The following DIS3L variants were observed in gnomAD, a reference collection of about 807,000 sequenced individuals.
DIS3L encodes DIS3-like exonuclease 1.
DIS3L carries 100 observed loss-of-function variants against 120.3 expected under a neutral mutation model. The observed-to-expected ratio is 0.83, with a 90% confidence interval of 0.71 to 0.98. The LOEUF (loss-of-function observed/expected upper bound fraction) is 0.98, where lower values mean the gene tolerates loss of function less well. DIS3L is among the 50% of genes least tolerant of loss of function. The pLI is 0.00. For synonymous variants in DIS3L, 426 were observed against 470.6 expected (o/e 0.91, Z 1.23); for missense variants, 1,196 against 1,314.2 (o/e 0.91, Z 1.39).
chr15:66,329,083 TC>T lies in DIS3L; in HGVS notation c.2316del (p.Ser773ProfsTer17), dbSNP rs774845558. ...ATQAMSNALY[F>X]STGSCAEEEF... Reference sequence around the variant, plus strand: ...CAGGCCATGTCGAATGCTCTGTACTTCTCCACCGGATCCTGTGCGGAGGAGG... The same window carrying T: ...CAGGCCATGTCGAATGCTCTGTACTTTCCACCGGATCCTGTGCGGAGGAGG... On this transcript the variant is annotated frameshift_variant, in exon 13 of 17. Coordinates refer to ENST00000319212, the MANE Select transcript of DIS3L (RefSeq NM_001143688.3). LOFTEE classifies it high-confidence loss of function. 3 of 1,614,142 alleles carry T rather than the reference TC, an allele frequency of 1.9e-6. No individual in the cohort carries two copies. The highest frequency in any genetic ancestry group is 8.5e-7 in the Non-Finnish European group (1 of 1,180,012).
intron 8 of DIS3L, 116 bp downstream of exon 8, chr15:66,318,734 T>A: frequency 9.0e-7 from 1 of 1,105,978 alleles, no homozygotes; most frequent in Non-Finnish European, 1.3e-6. Context: ...AGAAATAAAT[T>A]ATTGATGGCA....
At chr15:66,307,052 C>G (rs2092709313) in intron 3 of DIS3L, 100 bp downstream of exon 3, 8 of 1,456,014 alleles carry the variant, frequency 5.5e-6, no homozygotes, top group Non-Finnish European at 6.5e-6. Flanking sequence ...CTAGAACAAA[C>G]CAACAATTAT....
rs1369576849 is a variant in DIS3L, at chr15:66,306,947, G to T, written c.417G>T (p.Gln139His). ...RERGESMEKW[Q>H]TRSIYNAAVW... Reference sequence around the variant, plus strand: ...GAGGAGAGTCCATGGAGAAGTGGCAGACCAGGTATGGCCCTGACTTGCTGC... The same window carrying T: ...GAGGAGAGTCCATGGAGAAGTGGCATACCAGGTATGGCCCTGACTTGCTGC... The change falls in exon 3 of 17, where the codon CAG becomes CAT. Residue 139 changes from glutamine (Q) to histidine (H), a missense_variant. By Grantham distance (24) the Gln-to-His change is conservative. Transcript: ENST00000319212. 2 of 1,613,904 alleles carry T rather than the reference G, an allele frequency of 1.2e-6. No homozygotes were observed. The highest frequency in any genetic ancestry group is 1.7e-6 in the Non-Finnish European group (2 of 1,179,956).
chr15:66,326,953 A>G (rs1184184905), intron 12 of DIS3L, among the ~76,000 whole-genome samples: 2 of 149,756 alleles, frequency 1.3e-5, no homozygotes, highest in East Asian at 4.1e-4. Context: ...TCTTTGAGAT[A>G]GAGTCTCGCT....
At chr15:66,309,081 G>GAA (rs1555401909) in intron 4 of DIS3L, among the ~76,000 whole-genome samples, 2 of 1,132 alleles carry the variant, frequency 1.8e-3, no homozygotes, top group African/African-American at 3.1e-3. Context: ...TGTCTCTACA[G>GAA]AAAAAAAAAA....
intron 5 of DIS3L, 58 bp from the exon 6 acceptor site, chr15:66,313,981 A>C: frequency 2.1e-6 from 3 of 1,443,668 alleles, no homozygotes; most frequent in Non-Finnish European, 2.8e-6. Flanking sequence ...GACCTTTTGG[A>C]GATAAACCAG....
At chr15:66,294,219 T>C (rs2092559257) in intron 1 of DIS3L, 2 of 985,466 alleles carry the variant, frequency 2.0e-6, no homozygotes, top group African/African-American at 3.5e-5. Flanking sequence ...TTTCCCCCAG[T>C]GGAGAGCCAC....
At position 66,330,906 on chromosome 15, in the gene DIS3L, G is replaced by A. The variant is rs1049601499; in HGVS notation, c.2536-969G>A. Among the ~76,000 whole-genome samples, 10 of 152,196 alleles carry A rather than the reference G, an allele frequency of 6.6e-5. 1 individual carries two copies. The highest frequency in any genetic ancestry group is 2.2e-4 in the African/African-American group (9 of 41,446). ...GCAGTGGCTCACGACTGTAATCCTA[G>A]CACTTTTCGAGGTCGAGGCCGGTGG... On this transcript the variant is annotated intron_variant, in intron 14 of 16. Transcript: ENST00000319212.
Position 66,328,887 on chromosome 15 carries a change from G to A in DIS3L, c.2202-83G>A, listed in dbSNP as rs2092966080. The A allele has an allele frequency of 8.1e-6, 12 of 1,485,074 alleles. No homozygotes were observed. In the Middle Eastern group the frequency reaches 1.3e-3, roughly 157 times the overall value. 92.0% of individuals were successfully genotyped at this position (1,485,074 alleles called of 1,614,324 possible). A position where few individuals can be genotyped will look rare whatever the true frequency, so the allele number is the denominator to read the frequency against. ...TACTGGCAGATGAAGGTATTCAGAC[G>A]GATGAGTGAAGGGTTCCCCTCAAAG... On this transcript the variant is annotated intron_variant, in intron 12 of 16. Coordinates refer to ENST00000319212, the MANE Select transcript of DIS3L (RefSeq NM_001143688.3).
chr15:66,315,182 T>G lies in DIS3L; in HGVS notation c.961T>G (p.Ser321Ala). 6.2e-7 allele frequency: 1 copy of G among 1,613,880 alleles called. No homozygotes were observed. The highest frequency in any genetic ancestry group is 8.5e-7 in the Non-Finnish European group (1 of 1,179,864). Reference protein sequence around the residue: ...LCENDCDDKASGESPSEPMPT... With the variant: ...LCENDCDDKAAGESPSEPMPT... ...TGAGAATGACTGTGACGACAAGGCTTCGGGCGAGTCCCCAAGTGAGCCCAT... is the reference window on the plus strand; with the variant it reads ...TGAGAATGACTGTGACGACAAGGCTGCGGGCGAGTCCCCAAGTGAGCCCAT... The change falls in exon 7 of 17, where the codon TCG becomes GCG. Residue 321 changes from serine (S) to alanine (A), a missense_variant. Coordinates refer to ENST00000319212, the MANE Select transcript of DIS3L (RefSeq NM_001143688.3).
chr15:66,316,830 A>T (rs1391828961), intron 7 of DIS3L, among the ~76,000 whole-genome samples: 2 of 152,160 alleles, frequency 1.3e-5, no homozygotes, highest in East Asian at 3.8e-4. Context: ...AAGAAAAAAG[A>T]AAAAGAAAGC....
At chr15:66,308,973 G>GAGCCACCAC in intron 4 of DIS3L, 129 bp downstream of exon 4, 1 of 1,009,882 alleles carries the variant, frequency 9.9e-7, no homozygotes, top group Non-Finnish European at 1.4e-6. Flanking sequence ...GGCCAGGCGT[G>GAGCCACCAC]GTGGCTCATG....
rs773619730 is a variant in DIS3L at position 66,332,040 on chromosome 15, A to G, written c.2681+20A>G. The G allele has an allele frequency of 5.0e-6, 8 of 1,594,204 alleles. No individual in the cohort carries two copies. In the Middle Eastern group the frequency reaches 1.2e-3, roughly 232 times the overall value. ...ACCAAGGTATGTTACATCTAATGCA[A>G]TGGTGCATAAGAAATCATAGTTAAA... is the stretch of plus-strand genomic sequence containing the variant. On this transcript the variant is annotated intron_variant, in intron 15 of 16. Transcript: ENST00000319212.
intron 1 of DIS3L, chr15:66,294,102 G>A (rs775295075): frequency 1.1e-3 from 1,083 of 985,690 alleles, no homozygotes; most frequent in Non-Finnish European, 1.3e-3. Context: ...GAGGTCCCGA[G>A]CTGGGAGCCC....
At chr15:66,303,621 G>A (rs575158838) in intron 2 of DIS3L, among the ~76,000 whole-genome samples, 1 of 152,202 alleles carries the variant, frequency 6.6e-6, no homozygotes, top group East Asian at 1.9e-4. Flanking sequence ...AACTTCTAGG[G>A]GACAAAGGAA....
chr15:66,296,539 T>C (rs1413704803), intron 2 of DIS3L, among the ~76,000 whole-genome samples: 1 of 146,506 alleles, frequency 6.8e-6, no homozygotes, highest in Non-Finnish European at 1.5e-5. Flanking sequence ...TTCCTTGAGA[T>C]GGAGTCTGGC....
chr15:66,329,644 A>C (rs2092978148), intron 14 of DIS3L: 2 of 1,179,356 alleles, frequency 1.7e-6, no homozygotes, highest in Non-Finnish European at 2.1e-6. Flanking sequence ...CAACGCATAA[A>C]GATATGATGA....
Position 66,322,911 on chromosome 15 carries a change from C to G in DIS3L, c.1551C>G (p.Tyr517Ter). 6.2e-7 allele frequency: 1 copy of G among 1,614,134 alleles called. No individual in the cohort carries two copies. ...CACACTTTGTGGCACCAAATTCTTACATTGATATTGAAGCTAGAACAAGGT... is the reference window on the plus strand; with the variant it reads ...CACACTTTGTGGCACCAAATTCTTAGATTGATATTGAAGCTAGAACAAGGT... ...DVTHFVAPNS[Y>*]IDIEARTRAT... The change falls in exon 10 of 17, where the codon TAC becomes TAG. Residue 517 changes from tyrosine to a stop codon, truncating the protein, a stop_gained. Coordinates refer to ENST00000319212, the MANE Select transcript of DIS3L (RefSeq NM_001143688.3). LOFTEE classifies it high-confidence loss of function.
intron 3 of DIS3L, 100 bp downstream of exon 3, chr15:66,307,052 C>A: frequency 6.9e-7 from 1 of 1,456,130 alleles, no homozygotes; most frequent in Non-Finnish European, 9.3e-7. Context: ...CTAGAACAAA[C>A]CAACAATTAT....
Sources: allele counts gnomAD v4.1 joint callset (sites outside exome capture counted in the v4.1 genomes callset), GRCh38; gene constraint gnomAD v4.1.1; transcripts MANE v1.5; gene names NCBI Gene and HGNC (gene_info 2026-07-23, HGNC 2026-07-21).